The following ENAH variants were observed in gnomAD, a reference collection of about 807,000 sequenced individuals.
The protein encoded by ENAH is ENAH actin regulator, also known as protein enabled homolog.
Under a neutral mutation model 78.7 loss-of-function variants are expected in ENAH, and 23 were observed. That is an observed-to-expected ratio of 0.29 (90% CI 0.21 to 0.41). The LOEUF is 0.41. Ranked by LOEUF, ENAH falls within the 10% of genes least tolerant of loss-of-function variation. The pLI is 1.00. For synonymous variants in ENAH, 226 were observed against 241.0 expected (o/e 0.94, Z 0.58); for missense variants, 544 against 691.0 (o/e 0.79, Z 2.39).
At chr1:225,541,010 C>T (rs915151004) in intron 3 of ENAH, among the ~76,000 whole-genome samples, 1 of 152,066 alleles carries the variant, frequency 6.6e-6, no homozygotes, top group Non-Finnish European at 1.5e-5. Context: ...TTATATAAAA[C>T]GTCAAGAACT....
chr1:225,522,527 T>C (rs1469085946), intron 4 of ENAH, among the ~76,000 whole-genome samples: 1 of 152,198 alleles, frequency 6.6e-6, no homozygotes, highest in African/African-American at 2.4e-5. Flanking sequence ...AATCACTAGC[T>C]GCCAAAGTTT....
chr1:225,574,085 G>A (rs2096776173), intron 1 of ENAH, among the ~76,000 whole-genome samples: 1 of 152,074 alleles, frequency 6.6e-6, no homozygotes, highest in Non-Finnish European at 1.5e-5. Flanking sequence ...AAAATACTAA[G>A]AAATAACACT....
chr1:225,635,146 T>C (rs1659829962), intron 1 of ENAH, among the ~76,000 whole-genome samples: 1 of 152,258 alleles, frequency 6.6e-6, no homozygotes, highest in African/African-American at 2.4e-5. Flanking sequence ...ACAAGTCTTT[T>C]ACTTCCTTGG....
At chr1:225,580,794 G>A (rs190198104) in intron 1 of ENAH, among the ~76,000 whole-genome samples, 83 of 150,898 alleles carry the variant, frequency 5.5e-4, no homozygotes, top group South Asian at 8.5e-4. Flanking sequence ...GTCTCGTGCC[G>A]TAATCCCAGC....
intron 1 of ENAH, among the ~76,000 whole-genome samples, chr1:225,580,645 G>A (rs1375201452): frequency 6.6e-6 from 1 of 152,080 alleles, no homozygotes; most frequent in Non-Finnish European, 1.5e-5. Flanking sequence ...ATTGGGCCGG[G>A]TGCAATTCAC....
At chr1:225,556,548 C>CT (rs2096667805) in intron 2 of ENAH, among the ~76,000 whole-genome samples, 1 of 151,984 alleles carries the variant, frequency 6.6e-6, no homozygotes, top group South Asian at 2.1e-4. Context: ...CTTTTTTCTT[C>CT]TTTGATTTCT....
In ENAH at chr1:225,579,924, C is replaced by T. The variant is rs2096806979; in HGVS notation, c.6-12510G>A. On this transcript the variant is annotated intron_variant, in intron 1 of 13. Transcript: ENST00000366843. The stretch of plus-strand genomic sequence containing the variant: ...CAATGTTTAAAGTTTTGTTATGTTC[C>T]TTTATTTGAGATGCTTTGCTGTTCT... Among the ~76,000 whole-genome samples, 3 of 152,040 alleles carry T rather than the reference C, an allele frequency of 2.0e-5. No individual in the cohort carries two copies. The South Asian group carries it at 6.2e-4, about 32-fold the overall frequency.
intron 3 of ENAH, among the ~76,000 whole-genome samples, chr1:225,539,017 A>C (rs571349440): frequency 2.0e-5 from 3 of 152,326 alleles, no homozygotes; most frequent in African/African-American, 7.2e-5. Context: ...GGCATTATTG[A>C]GTATATGCTC....
At chr1:225,511,734 AAG>A in intron 10 of ENAH, 75 bp downstream of exon 10, 2 of 1,051,708 alleles carry the variant, frequency 1.9e-6, no homozygotes, top group South Asian at 3.1e-5. Flanking sequence ...AATATGGGGA[AAG>A]GGGGAATTTT....
intron 2 of ENAH, among the ~76,000 whole-genome samples, chr1:225,559,077 C>T (rs1270185438): frequency 1.3e-5 from 2 of 152,132 alleles, no homozygotes; most frequent in African/African-American, 4.8e-5. Context: ...AACATTTTAG[C>T]CTCTAAATTT....
chr1:225,606,115 T>A lies in ENAH; in HGVS notation c.6-38701A>T, dbSNP rs542371095. On this transcript the variant is annotated intron_variant, in intron 1 of 13. Coordinates refer to ENST00000366843, the MANE Select transcript of ENAH (RefSeq NM_018212.6). ...AAATGGAATTTTTCACAAATACTTT[T>A]AATGTTATATTAGACCATTAAAAAA... Among the ~76,000 whole-genome samples the A allele has an allele frequency of 2.0e-5, 3 of 152,340 alleles. No individual in the cohort carries two copies. The East Asian group carries it at 5.8e-4, about 29-fold the overall frequency.
At chr1:225,604,105 A>G (rs2096943102) in intron 1 of ENAH, among the ~76,000 whole-genome samples, 1 of 152,230 alleles carries the variant, frequency 6.6e-6, no homozygotes, top group Admixed American at 6.5e-5. Context: ...CTTTAATAAC[A>G]CTACACACTA....
chr1:225,569,411 A>G (rs149571160), intron 1 of ENAH, among the ~76,000 whole-genome samples: 109 of 152,322 alleles, frequency 7.2e-4, no homozygotes, highest in African/African-American at 2.6e-3. Flanking sequence ...CCAACATGGC[A>G]CACGTATACC....
rs1470655892 is a variant in ENAH at position 225,497,745 on chromosome 1, T to G, written c.*30A>C. On this transcript the variant is annotated 3_prime_UTR_variant, in exon 14 of 14. Transcript: ENST00000366843. ...TTTGTAGGATATTTTTCCTCCAGAT[T>G]AAAGTCCTATCTCTCCTTAGTCTGT... 6.2e-7 allele frequency: 1 copy of G among 1,605,130 alleles called. No individual in the cohort carries two copies. Among genetic ancestry groups the G allele is most frequent in the African/African-American group, 1.3e-5 (1 of 74,770 alleles).
At chr1:225,612,230 G>A (rs1318922257) in intron 1 of ENAH, among the ~76,000 whole-genome samples, 3 of 152,170 alleles carry the variant, frequency 2.0e-5, no homozygotes, top group Non-Finnish European at 4.4e-5. Context: ...ATATCCAAAC[G>A]ATGGAATATT....
At chr1:225,591,299 T>C (rs2096874390) in intron 1 of ENAH, among the ~76,000 whole-genome samples, 1 of 152,010 alleles carries the variant, frequency 6.6e-6, no homozygotes, top group Non-Finnish European at 1.5e-5. Context: ...TGAAACCCTG[T>C]CTTTACTAAA....
At position 225,496,301 on chromosome 1, in the gene ENAH, G is replaced by C. The variant is rs2096249582; in HGVS notation, c.*1474C>G. On this transcript the variant is annotated 3_prime_UTR_variant, in exon 14 of 14. Transcript: ENST00000366843. ...CGCGAGAGCACACACACGCAGAGTG[G>C]CAGGCAGAGTGTCTAATTCCTTCTT... The C allele has an allele frequency of 6.6e-6, 1 of 152,216 alleles. No homozygotes were observed. The highest frequency in any genetic ancestry group is 1.5e-5 in the Non-Finnish European group (1 of 68,044). The allele number at this position is 152,216 out of a possible 1,614,324, so 9.4% of individuals were successfully genotyped here.
At chr1:225,538,004 A>G (rs559946252) in intron 3 of ENAH, among the ~76,000 whole-genome samples, 1 of 152,288 alleles carries the variant, frequency 6.6e-6, no homozygotes, top group East Asian at 1.9e-4. Context: ...GTCCCAAGGC[A>G]ATTGATAATG....
chr1:225,616,372 T>A (rs1023621620), intron 1 of ENAH, among the ~76,000 whole-genome samples: 2 of 151,794 alleles, frequency 1.3e-5, no homozygotes, highest in African/African-American at 4.8e-5. Context: ...ATAGTCACAT[T>A]TAAGGCATGA....
Sources: gnomAD v4.1 joint callset for allele counts (sites outside exome capture counted in the v4.1 genomes callset) on GRCh38, gnomAD v4.1.1 for gene constraint, MANE v1.5 for transcripts, NCBI Gene and HGNC (gene_info 2026-07-23, HGNC 2026-07-21) for gene names.